Variants in OTUD7A observed in about 807,000 individuals in gnomAD.
OTUD7A encodes OTU domain-containing protein 7A.
OTUD7A carries 12 observed loss-of-function variants against 65.7 expected under a neutral mutation model. The ratio of observed to expected loss-of-function variants is 0.18; its 90% confidence interval spans 0.12 to 0.30. The LOEUF (loss-of-function observed/expected upper bound fraction) is 0.30. Ranked by LOEUF, OTUD7A falls within the 10% of genes least tolerant of loss-of-function variation. The pLI, the probability that OTUD7A is intolerant of heterozygous loss-of-function variation, is 1.00. For synonymous variants in OTUD7A, 641 were observed against 586.3 expected, an observed-to-expected ratio of 1.09 and a Z score of -1.35; for missense variants, 1,148 against 1,304.8, an observed-to-expected ratio of 0.88 and a Z score of 1.85.
At position 31,483,422 on chromosome 15, in the gene OTUD7A, GC is replaced by G. The variant is rs1566876800; in HGVS notation, c.2673del (p.Pro892ArgfsTer95). 7 of 1,370,830 alleles carry G rather than the reference GC, an allele frequency of 5.1e-6. No homozygotes were observed. Among genetic ancestry groups the G allele is most frequent in the South Asian group, 1.5e-5 (1 of 67,610 alleles). The allele number at this position is 1,370,830 out of a possible 1,614,324, so 84.9% of individuals were successfully genotyped here. On this transcript the variant is annotated frameshift_variant, in exon 13 of 13. Coordinates refer to ENST00000307050, the MANE Select transcript of OTUD7A (RefSeq NM_001382637.1). LOFTEE classifies it high-confidence loss of function. ...TCGCGCTGGCAGCGCCGCTGCACCG[GC>G]CCCGGGCCGCCACGGCCGCACTCAC... is the stretch of plus-strand genomic sequence containing the variant. ...SNGECGRGGP[G>X]PVQRRCQREN...
chr15:31,725,276 G>A (rs188036262), intron 1 of OTUD7A, among the ~76,000 whole-genome samples: 1 of 152,184 alleles, frequency 6.6e-6, no homozygotes, highest in East Asian at 1.9e-4. Flanking sequence ...CTGCCCAGTG[G>A]AATTTCAGGG....
chr15:31,870,149 A>T (rs1897988575), intron 1 of OTUD7A, among the ~76,000 whole-genome samples: 1 of 149,836 alleles, frequency 6.7e-6, no homozygotes, highest in South Asian at 2.1e-4. Context: ...CACGCCTGGC[A>T]TCACGTTCCA....
chr15:31,840,291 A>C (rs1392404306), intron 1 of OTUD7A, among the ~76,000 whole-genome samples: 9 of 151,940 alleles, frequency 5.9e-5, no homozygotes, highest in African/African-American at 2.2e-4. Context: ...TAAATAAATT[A>C]GCTGGGTATG....
intron 3 of OTUD7A, among the ~76,000 whole-genome samples, chr15:31,633,841 G>A (rs1891253535): frequency 2.0e-5 from 3 of 152,136 alleles, no homozygotes; most frequent in South Asian, 2.1e-4. Context: ...ACCCGCTAGC[G>A]AGCACACAGG....
intron 3 of OTUD7A, among the ~76,000 whole-genome samples, chr15:31,634,873 G>A (rs1295458819): frequency 1.3e-5 from 2 of 152,220 alleles, no homozygotes; most frequent in African/African-American, 2.4e-5. Context: ...GTGTGAAGCA[G>A]GACAGAAGGA....
At chr15:31,682,297 TTAAGA>T (rs1297790892) in intron 1 of OTUD7A, among the ~76,000 whole-genome samples, 3 of 152,168 alleles carry the variant, frequency 2.0e-5, no homozygotes, top group African/African-American at 7.2e-5. Flanking sequence ...TATACCACAG[TTAAGA>T]TGTCAAGTAT....
At chr15:31,848,827 T>C (rs1574784) in intron 1 of OTUD7A, among the ~76,000 whole-genome samples, 142,470 of 152,242 alleles carry the variant, frequency 0.94, 67,391 homozygotes, top group East Asian at 1. Flanking sequence ...TCAGAGAGCA[T>C]GCACTGGGCA....
chr15:31,731,761 G>T (rs558797432), intron 1 of OTUD7A, among the ~76,000 whole-genome samples: 4 of 152,256 alleles, frequency 2.6e-5, no homozygotes, highest in Non-Finnish European at 5.9e-5. Context: ...CCACTCTGGT[G>T]GGGGAGGCTG....
At chr15:31,512,759 T>G (rs1464031974) in intron 8 of OTUD7A, among the ~76,000 whole-genome samples, 1 of 152,234 alleles carries the variant, frequency 6.6e-6, no homozygotes, top group Non-Finnish European at 1.5e-5. Flanking sequence ...TATGACTTAG[T>G]GCTTGCTTGG....
intron 3 of OTUD7A, among the ~76,000 whole-genome samples, chr15:31,615,007 A>G (rs1890542736): frequency 6.6e-6 from 1 of 152,196 alleles, no homozygotes; most frequent in African/African-American, 2.4e-5. Context: ...AAAGGAATGT[A>G]CCGGGAAGAA....
At chr15:31,684,484 A>G (rs1892790582) in intron 1 of OTUD7A, among the ~76,000 whole-genome samples, 1 of 152,092 alleles carries the variant, frequency 6.6e-6, no homozygotes, top group African/African-American at 2.4e-5. Context: ...ACCTTAGCTC[A>G]GGGTCTCTCA....
intron 1 of OTUD7A, among the ~76,000 whole-genome samples, chr15:31,753,768 T>C (rs1320978205): frequency 6.8e-6 from 1 of 146,662 alleles, no homozygotes; most frequent in African/African-American, 2.5e-5. Flanking sequence ...CATTCCTTGA[T>C]TGATAGGCAT....
intron 3 of OTUD7A, among the ~76,000 whole-genome samples, chr15:31,592,961 A>ATG (rs202144871): frequency 1.9e-5 from 2 of 104,614 alleles, no homozygotes; most frequent in African/African-American, 1.2e-4. Context: ...GTATATATAT[A>ATG]TGTATATATA....
intron 3 of OTUD7A, among the ~76,000 whole-genome samples, chr15:31,623,860 G>T (rs1473967957): frequency 6.6e-6 from 1 of 152,318 alleles, no homozygotes; most frequent in Admixed American, 6.5e-5. Flanking sequence ...CATCGCTCAC[G>T]CTGGGAGCTG....
intron 3 of OTUD7A, among the ~76,000 whole-genome samples, chr15:31,615,865 G>A (rs1021735386): frequency 6.6e-6 from 1 of 152,188 alleles, no homozygotes; most frequent in African/African-American, 2.4e-5. Flanking sequence ...TCTGAGTCTT[G>A]GCAGAATGCC....
intron 4 of OTUD7A, 82 bp from the exon 5 acceptor site, chr15:31,559,269 C>T: frequency 4.7e-6 from 6 of 1,287,576 alleles, no homozygotes; most frequent in Non-Finnish European, 6.5e-6. Context: ...ACATACTATG[C>T]ACACACAATA....
chr15:31,570,034 C>T lies in OTUD7A; in HGVS notation c.315G>A (p.Gln105=), dbSNP rs1248251901. Residue 105 remains glutamine (Q), a synonymous_variant, in exon 4 of 13, where the codon CAG becomes CAA. Coordinates refer to ENST00000307050, the MANE Select transcript of OTUD7A (RefSeq NM_001382637.1). ...HKVERPCLQR[Q]DDIAQEKRLS... is the part of the protein sequence containing the mutation. ...CAGCGGTACCTTGGGCAATGTCGTC[C>T]TGCCTCTGCAGGCAGGGTCGCTCCA... The T allele has an allele frequency of 3.7e-6, 6 of 1,614,126 alleles. No individual in the cohort carries two copies. The South Asian group carries it at 5.5e-5, about 15-fold the overall frequency.
intron 3 of OTUD7A, among the ~76,000 whole-genome samples, chr15:31,641,539 A>G (rs1422133621): frequency 6.6e-6 from 1 of 152,236 alleles, no homozygotes; most frequent in Admixed American, 6.5e-5. Flanking sequence ...GAGAACCAAC[A>G]TCTCAACAAT....
intron 1 of OTUD7A, among the ~76,000 whole-genome samples, chr15:31,693,205 G>A (rs72709331): frequency 0.17 from 25,306 of 151,388 alleles, 1,691 homozygotes; most frequent in East Asian, 0.25. Flanking sequence ...TTAAATTCAG[G>A]AGAAGTCTGT....
Sources: gnomAD v4.1 joint callset for allele counts (sites outside exome capture counted in the v4.1 genomes callset) on GRCh38, gnomAD v4.1.1 for gene constraint, MANE v1.5 for transcripts, NCBI Gene and HGNC (gene_info 2026-07-23, HGNC 2026-07-21) for gene names.